Variants in IFNGR2 observed in about 807,000 individuals in gnomAD.
The protein encoded by IFNGR2 is interferon gamma receptor 2, also known as IFN-gamma receptor 2.
Under a neutral mutation model 41.1 loss-of-function variants are expected in IFNGR2, and 15 were observed. The observed-to-expected ratio is 0.37, with a 90% confidence interval of 0.24 to 0.56. The LOEUF (loss-of-function observed/expected upper bound fraction) is 0.56. IFNGR2 is among the 20% of genes least tolerant of loss of function. The pLI is 0.81. For missense variants in IFNGR2, 362 were observed against 415.7 expected, an observed-to-expected ratio of 0.87 and a Z score of 1.12; for synonymous variants, 161 against 171.6, an observed-to-expected ratio of 0.94 and a Z score of 0.48.
In IFNGR2 at chr21:33,437,269, T is replaced by A; in HGVS notation, c.*307T>A. ...CAAAATGGATATGACACATCTCTGA[T>A]ACTTTTTTCATTATTGGTTGGGCTG... On this transcript the variant is annotated 3_prime_UTR_variant, in exon 7 of 7. Coordinates refer to ENST00000290219, the MANE Select transcript of IFNGR2 (RefSeq NM_005534.4). 3.0e-6 allele frequency: 1 copy of A among 331,216 alleles called. No individual in the cohort carries two copies. The highest frequency in any genetic ancestry group is 5.7e-6 in the Non-Finnish European group (1 of 174,484). The allele number at this position is 331,216 out of a possible 1,614,324, so 20.5% of individuals were successfully genotyped here. A position where few individuals can be genotyped will look rare whatever the true frequency, so the allele number is the denominator to read the frequency against.
chr21:33,411,679 C>T (rs2083717052), intron 1 of IFNGR2: 1 of 353,074 alleles, frequency 2.8e-6, no homozygotes, highest in African/African-American at 2.1e-5. Flanking sequence ...GCAGAAGGTT[C>T]AGTACCAGGG....
intron 4 of IFNGR2, 63 bp downstream of exon 4, chr21:33,427,095 G>C: frequency 6.9e-7 from 1 of 1,442,794 alleles, no homozygotes; most frequent in South Asian, 1.1e-5. Context: ...CTTAGCAAAA[G>C]AAAGAAACCT....
At chr21:33,420,892 TTAAAAA>T (rs2123347775) in intron 2 of IFNGR2, among the ~76,000 whole-genome samples, 1 of 148,610 alleles carries the variant, frequency 6.7e-6, no homozygotes, top group South Asian at 2.1e-4. Context: ...TACAAAGAAA[TTAAAAA>T]TAAAAATAAC....
At chr21:33,432,942 A>C in intron 6 of IFNGR2, 71 bp downstream of exon 6, 2 of 1,298,412 alleles carry the variant, frequency 1.5e-6, no homozygotes, top group South Asian at 2.5e-5. Flanking sequence ...CGGGAGTGTC[A>C]TGGTACAATC....
chr21:33,430,140 A>G (rs567383204), intron 4 of IFNGR2, among the ~76,000 whole-genome samples: 1 of 150,850 alleles, frequency 6.6e-6, no homozygotes, highest in Non-Finnish European at 1.5e-5. Flanking sequence ...CTCCGTCTCA[A>G]AAAACAAACA....
intron 1 of IFNGR2, chr21:33,410,806 C>T (rs887928219): frequency 2.1e-6 from 3 of 1,448,688 alleles, no homozygotes; most frequent in Non-Finnish European, 2.8e-6. Flanking sequence ...TTTTAAAATT[C>T]ATAACTCATA....
chr21:33,405,852 T>C (rs999790618), intron 1 of IFNGR2, among the ~76,000 whole-genome samples: 1 of 151,292 alleles, frequency 6.6e-6, no homozygotes, highest in Non-Finnish European at 1.5e-5. Flanking sequence ...TCAACAATGA[T>C]GAAACCCCGT....
intron 1 of IFNGR2, chr21:33,410,928 A>T: frequency 7.4e-7 from 1 of 1,346,838 alleles, no homozygotes; most frequent in South Asian, 1.3e-5. Context: ...CCTGTATGAA[A>T]CCTGCATCTC....
intron 3 of IFNGR2, among the ~76,000 whole-genome samples, chr21:33,426,241 T>C (rs1020839145): frequency 5.3e-5 from 8 of 151,992 alleles, no homozygotes; most frequent in African/African-American, 1.7e-4. Flanking sequence ...AGTGAAACCC[T>C]GTCTCTACTA....
At chr21:33,414,080 T>C (rs2083735875) in intron 1 of IFNGR2, among the ~76,000 whole-genome samples, 1 of 152,112 alleles carries the variant, frequency 6.6e-6, no homozygotes, top group Non-Finnish European at 1.5e-5. Flanking sequence ...TGATCTGCCT[T>C]CCTTGGCCTC....
At chr21:33,422,336 G>T (rs1166036230) in intron 3 of IFNGR2, among the ~76,000 whole-genome samples, 1 of 152,088 alleles carries the variant, frequency 6.6e-6, no homozygotes, top group Non-Finnish European at 1.5e-5. Context: ...TGTTTCTTCC[G>T]TGTCTGGTTT....
chr21:33,428,980 C>CA (rs1447189947), intron 4 of IFNGR2, among the ~76,000 whole-genome samples: 2 of 152,184 alleles, frequency 1.3e-5, no homozygotes, highest in African/African-American at 4.8e-5. Flanking sequence ...ACCCTGGGGC[C>CA]AGCCTTGTTG....
chr21:33,437,101 C>G lies in IFNGR2; in HGVS notation c.*139C>G. ...GGCCTGTCCCTGCAGACATGAGAGA[C>G]AGCAGGTCTCATGGGGGTGACAAGC... On this transcript the variant is annotated 3_prime_UTR_variant, in exon 7 of 7. Transcript: ENST00000290219. 2 of 732,874 alleles carry G rather than the reference C, an allele frequency of 2.7e-6. No homozygotes were observed. The highest frequency in any genetic ancestry group is 4.6e-6 in the Non-Finnish European group (2 of 433,762). The allele number at this position is 732,874 out of a possible 1,614,324, so 45.4% of individuals were successfully genotyped here.
intron 6 of IFNGR2, 105 bp downstream of exon 6, chr21:33,432,976 C>G (rs2083905341): frequency 1.0e-6 from 1 of 973,614 alleles, no homozygotes; most frequent in African/African-American, 1.6e-5. Flanking sequence ...GCCTCCATCT[C>G]CCAGGTTCAA....
At position 33,432,200 on chromosome 21, in the gene IFNGR2, C is replaced by G; in HGVS notation, c.585C>G (p.Asn195Lys). ...AGGTCAAAGGCCCTTTCAGAAGCAA[C>G]TCCATTTCATTGGATAACTTAAAAC... ...IQQVKGPFRS[N>K]SISLDNLKPS... The change falls in exon 5 of 7, where the codon AAC becomes AAG. Residue 195 changes from asparagine to lysine, a missense_variant. Transcript: ENST00000290219. 1 of 1,614,150 alleles carries G rather than the reference C, an allele frequency of 6.2e-7. No homozygotes were observed. The highest frequency in any genetic ancestry group is 1.1e-5 in the South Asian group (1 of 91,088).
intron 5 of IFNGR2, 131 bp from the exon 6 acceptor site, chr21:33,432,583 G>C: frequency 2.0e-6 from 2 of 1,022,654 alleles, no homozygotes; most frequent in South Asian, 2.6e-5. Flanking sequence ...CCAGGTGAGG[G>C]TGGGGGGTAG....
At chr21:33,406,927 A>T (rs1219228304) in intron 1 of IFNGR2, among the ~76,000 whole-genome samples, 6 of 152,076 alleles carry the variant, frequency 3.9e-5, no homozygotes, top group Admixed American at 2.0e-4. Flanking sequence ...AGGATTATAG[A>T]TGTGAACCAC....
chr21:33,431,161 G>A (rs1254461119), intron 4 of IFNGR2, among the ~76,000 whole-genome samples: 2 of 152,178 alleles, frequency 1.3e-5, no homozygotes, highest in African/African-American at 4.8e-5. Flanking sequence ...GAAACTATAG[G>A]AGGCTCAAGC....
chr21:33,415,166 CTG>C (rs2083745665), intron 2 of IFNGR2, 146 bp downstream of exon 2: 2 of 1,086,480 alleles, frequency 1.8e-6, no homozygotes, highest in Admixed American at 1.7e-5. Flanking sequence ...TGTAAAATCT[CTG>C]AGGACAGAGG....
Sources: allele counts gnomAD v4.1 joint callset (sites outside exome capture counted in the v4.1 genomes callset), GRCh38; gene constraint gnomAD v4.1.1; transcripts MANE v1.5; gene names NCBI Gene and HGNC (gene_info 2026-07-23, HGNC 2026-07-21).